The following OSTF1 variants were observed in gnomAD, a reference collection of about 807,000 sequenced individuals.
OSTF1 encodes the protein osteoclast-stimulating factor 1.
OSTF1 carries 27 observed loss-of-function variants against 37.2 expected under a neutral mutation model. That is an observed-to-expected ratio of 0.73 (90% CI 0.54 to 1.00). The LOEUF is 1.00. OSTF1 is among the 50% of genes least tolerant of loss of function. OSTF1 has a pLI of 0.00. For missense variants in OSTF1, 232 were observed against 253.8 expected (o/e 0.91, Z 0.58); for synonymous variants, 82 against 89.2 (o/e 0.92, Z 0.46).
chr9:75,097,859 T>G (rs1476817007), intron 1 of OSTF1, among the ~76,000 whole-genome samples: 2 of 151,774 alleles, frequency 1.3e-5, no homozygotes, highest in African/African-American at 4.8e-5. Context: ...TCAGTTTTTT[T>G]TTTTTTTTTC....
intron 1 of OSTF1, among the ~76,000 whole-genome samples, chr9:75,108,961 C>A (rs559618849): frequency 2.0e-5 from 3 of 151,798 alleles, no homozygotes; most frequent in African/African-American, 7.3e-5. Context: ...GTGAGTCTAC[C>A]GGAATTTTAG....
In OSTF1 at chr9:75,124,994, G is replaced by A. The variant is rs566775602; in HGVS notation, c.82-2575G>A. On this transcript the variant is annotated intron_variant, in intron 2 of 9. Transcript: ENST00000346234. ...GTACTCAGTAAGAACAGCCCAGGAC[G>A]GCTCATAGATGGGACAGACTTCTTC... Among the ~76,000 whole-genome samples, 9 of 152,232 alleles carry A rather than the reference G, an allele frequency of 5.9e-5. No homozygotes were observed. The East Asian group carries it at 1.5e-3, about 26-fold the overall frequency.
intron 2 of OSTF1, among the ~76,000 whole-genome samples, chr9:75,125,615 C>G (rs935444267): frequency 2.0e-5 from 3 of 152,170 alleles, no homozygotes; most frequent in African/African-American, 7.2e-5. Context: ...CAGAAAGTTA[C>G]CTTTTAAAGG....
intron 1 of OSTF1, among the ~76,000 whole-genome samples, chr9:75,115,643 T>TG (rs1825474753): frequency 2.2e-5 from 2 of 92,042 alleles, no homozygotes; most frequent in African/African-American, 7.6e-5. Context: ...CCCCCTTTTT[T>TG]TGTTTTTTTT....
intron 1 of OSTF1, among the ~76,000 whole-genome samples, chr9:75,093,448 C>T (rs866063517): frequency 6.6e-6 from 1 of 152,186 alleles, no homozygotes; most frequent in Non-Finnish European, 1.5e-5. Flanking sequence ...TCATCTCATT[C>T]TAAGCAGGTT....
intron 1 of OSTF1, among the ~76,000 whole-genome samples, chr9:75,102,261 T>C (rs575061023): frequency 5.3e-4 from 81 of 152,328 alleles, no homozygotes; most frequent in African/African-American, 1.9e-3. Flanking sequence ...AAGTGTGATC[T>C]ACCACACCCA....
At chr9:75,103,911 A>T (rs1825238880) in intron 1 of OSTF1, among the ~76,000 whole-genome samples, 1 of 152,168 alleles carries the variant, frequency 6.6e-6, no homozygotes, top group Non-Finnish European at 1.5e-5. Context: ...CTGAGATTAC[A>T]GGTGTGAGCT....
intron 2 of OSTF1, among the ~76,000 whole-genome samples, chr9:75,126,838 G>GC (rs1825670469): frequency 6.6e-6 from 1 of 152,146 alleles, no homozygotes; most frequent in Admixed American, 6.5e-5. Flanking sequence ...TGAACCACCT[G>GC]CCTTGGTCTC....
At chr9:75,134,245 G>A in intron 6 of OSTF1, 101 bp from the exon 7 acceptor site, 1 of 511,418 alleles carries the variant, frequency 2.0e-6, no homozygotes, top group East Asian at 3.3e-5. Flanking sequence ...TTTTCTTGAA[G>A]GTTCTTCTGA....
intron 5 of OSTF1, 31 bp from the exon 6 acceptor site, chr9:75,133,263 T>A: frequency 7.5e-7 from 1 of 1,325,782 alleles, no homozygotes; most frequent in Non-Finnish European, 1.1e-6. Context: ...GCTTTTTTTC[T>A]TGTGTTCTTG....
rs1382701656 is a variant in OSTF1 at position 75,133,013 on chromosome 9, C to T, written c.251-281C>T. ...CACACACACACACACACACACACAC[C>T]CCTATATATTTTTTAACAGAATAGA... On this transcript the variant is annotated intron_variant, in intron 5 of 9. Coordinates refer to ENST00000346234, the MANE Select transcript of OSTF1 (RefSeq NM_012383.5). 2.3e-5 allele frequency among the ~76,000 whole-genome samples: 3 copies of T among 128,104 alleles called. No individual in the cohort carries two copies. The East Asian group carries it at 7.0e-4, about 30-fold the overall frequency. 84.0% of individuals were successfully genotyped at this position (128,104 alleles called of 152,430 possible).
chr9:75,146,850 C>T lies in OSTF1; in HGVS notation c.*109C>T, dbSNP rs572584573. 7.3e-4 allele frequency: 532 copies of T among 732,074 alleles called. 1 individual carries two copies. Among genetic ancestry groups the T allele is most frequent in the Non-Finnish European group, 1.1e-3 (493 of 430,064 alleles). 45.3% of individuals were successfully genotyped at this position (732,074 alleles called of 1,614,324 possible). A position where few individuals can be genotyped will look rare whatever the true frequency, so the allele number is the denominator to read the frequency against. On this transcript the variant is annotated 3_prime_UTR_variant, in exon 10 of 10. Coordinates refer to ENST00000346234, the MANE Select transcript of OSTF1 (RefSeq NM_012383.5). ...CTATAAAGAAAATTATATATGAACACGGCAGTGTTGCACTGTGTTTGAGTA... is the reference window on the plus strand; with the variant it reads ...CTATAAAGAAAATTATATATGAACATGGCAGTGTTGCACTGTGTTTGAGTA...
chr9:75,096,960 G>A (rs368929339), intron 1 of OSTF1, among the ~76,000 whole-genome samples: 2 of 152,136 alleles, frequency 1.3e-5, no homozygotes, highest in South Asian at 4.1e-4. Flanking sequence ...TGGCTAGCAC[G>A]TATTATTTCA....
intron 2 of OSTF1, among the ~76,000 whole-genome samples, chr9:75,126,591 GTTTGT>G (rs960824137): frequency 2.6e-5 from 4 of 151,956 alleles, no homozygotes; most frequent in African/African-American, 9.7e-5. Context: ...TTGTTTGTTT[GTTTGT>G]TTTGTTTTGT....
At chr9:75,117,431 T>A in intron 1 of OSTF1, 73 bp from the exon 2 acceptor site, 1 of 985,170 alleles carries the variant, frequency 1.0e-6, no homozygotes, top group Non-Finnish European at 1.6e-6. Flanking sequence ...TTCTGAAGGA[T>A]ATAATGGATA....
chr9:75,129,000 C>T (rs1415491077), intron 3 of OSTF1, among the ~76,000 whole-genome samples: 2 of 151,852 alleles, frequency 1.3e-5, no homozygotes, highest in South Asian at 2.1e-4. Flanking sequence ...ATGGCTGGTA[C>T]CAAGTCAGGG....
chr9:75,137,704 T>A, intron 8 of OSTF1, 88 bp downstream of exon 8: 1 of 810,026 alleles, frequency 1.2e-6, no homozygotes. Flanking sequence ...GTAGGAAGAA[T>A]AATAGTCTTA....
intron 1 of OSTF1, among the ~76,000 whole-genome samples, chr9:75,095,162 A>G (rs1825052551): frequency 6.6e-6 from 1 of 152,192 alleles, no homozygotes; most frequent in Non-Finnish European, 1.5e-5. Context: ...ATTGTTTTCA[A>G]TCTTTTGTTA....
intron 5 of OSTF1, among the ~76,000 whole-genome samples, chr9:75,132,972 T>TACACACACAC (rs57913558): frequency 9.9e-4 from 60 of 60,318 alleles, no homozygotes; most frequent in African/African-American, 2.4e-3. Flanking sequence ...TACACACACA[T>TACACACACAC]ACACACACAC....
Sources: allele counts gnomAD v4.1 joint callset (sites outside exome capture counted in the v4.1 genomes callset), GRCh38; gene constraint gnomAD v4.1.1; transcripts MANE v1.5; gene names NCBI Gene and HGNC (gene_info 2026-07-23, HGNC 2026-07-21).